ERC1: variants seen among roughly 807,000 people sequenced by gnomAD.
The protein encoded by ERC1 is ELKS/RAB6-interacting/CAST family member 1.
A neutral mutation model predicts 132.0 loss-of-function variants in ERC1; 56 were observed. The ratio of observed to expected loss-of-function variants is 0.42; its 90% confidence interval spans 0.34 to 0.53. The LOEUF (loss-of-function observed/expected upper bound fraction) is 0.53. ERC1 is among the 20% of genes least tolerant of loss of function. The pLI is 0.03. For synonymous variants in ERC1, 478 were observed against 476.1 expected, an observed-to-expected ratio of 1.00 and a Z score of -0.05; for missense variants, 1,202 against 1,349.9, an observed-to-expected ratio of 0.89 and a Z score of 1.72.
intron 8 of ERC1, among the ~76,000 whole-genome samples, chr12:1,148,094 G>A (rs1048089051): frequency 6.6e-6 from 1 of 152,130 alleles, no homozygotes; most frequent in Non-Finnish European, 1.5e-5. Context: ...GATGATTAAT[G>A]TTACTGGAAG....
In ERC1 at chr12:1,096,537, A is replaced by G. The variant is rs558800246; in HGVS notation, c.1087-8213A>G. ...TAAATATCTACCGTGTGCCCAGTCA[A>G]TCACCTTGTAGTGTGCAGAACAGAT... On this transcript the variant is annotated intron_variant, in intron 3 of 18. Coordinates refer to ENST00000360905, the MANE Select transcript of ERC1 (RefSeq NM_178040.4). Among the ~76,000 whole-genome samples, 22 of 152,320 alleles carry G rather than the reference A, an allele frequency of 1.4e-4. No individual in the cohort carries two copies. In the East Asian group the frequency reaches 1.7e-3, roughly 12 times the overall value.
intron 17 of ERC1, among the ~76,000 whole-genome samples, chr12:1,417,780 C>CAA (rs59219151): frequency 6.0e-4 from 50 of 83,646 alleles, no homozygotes; most frequent in South Asian, 1.2e-3. Flanking sequence ...GACTCCATCT[C>CAA]AAAAAAAAAA....
At chr12:1,375,076 T>G (rs1301704974) in intron 16 of ERC1, among the ~76,000 whole-genome samples, 1 of 146,262 alleles carries the variant, frequency 6.8e-6, no homozygotes, top group African/African-American at 2.6e-5. Flanking sequence ...AAACCCTGGT[T>G]GTTCTAGTCA....
At chr12:1,075,066 G>T (rs1421513758) in intron 2 of ERC1, among the ~76,000 whole-genome samples, 1 of 151,890 alleles carries the variant, frequency 6.6e-6, no homozygotes, top group African/African-American at 2.4e-5. Context: ...TTAACTCAAA[G>T]AATACTAAAC....
At chr12:1,053,238 A>G (rs982462763) in intron 2 of ERC1, among the ~76,000 whole-genome samples, 3 of 152,202 alleles carry the variant, frequency 2.0e-5, no homozygotes, top group Non-Finnish European at 4.4e-5. Context: ...ATTAATGGGT[A>G]TTATTTATTC....
chr12:1,350,099 G>A (rs2084867383), intron 15 of ERC1, among the ~76,000 whole-genome samples: 1 of 152,200 alleles, frequency 6.6e-6, no homozygotes, highest in Admixed American at 6.5e-5. Context: ...CATGGGGGAT[G>A]TTATTTTCCT....
intron 2 of ERC1, among the ~76,000 whole-genome samples, chr12:1,043,257 C>T (rs925766928): frequency 1.3e-5 from 2 of 151,924 alleles, no homozygotes; most frequent in Non-Finnish European, 2.9e-5. Flanking sequence ...ATTGGTCAGG[C>T]TGGTCTCGAA....
At chr12:1,260,376 T>G (rs542951018) in intron 13 of ERC1, among the ~76,000 whole-genome samples, 1 of 152,222 alleles carries the variant, frequency 6.6e-6, no homozygotes, top group African/African-American at 2.4e-5. Flanking sequence ...CCTCTAGTGT[T>G]CTAAACTTTA....
rs1186448289 is a variant in ERC1 at position 1,293,122 on chromosome 12, T to C, written c.2780+3110T>C. On this transcript the variant is annotated intron_variant, in intron 15 of 18. Transcript: ENST00000360905. ...TTGCACCATTGCACTCCAGCCTGGG[T>C]GACAGAGCAAGACTCCATCTCAAAA... Among the ~76,000 whole-genome samples, 809 of 114,048 alleles carry C rather than the reference T, an allele frequency of 7.1e-3. 5 individuals are homozygous for C. Among genetic ancestry groups the C allele is most frequent in the Middle Eastern group, 0.046 (6 of 130 alleles). The allele number at this position is 114,048 out of a possible 152,430, so 74.8% of individuals were successfully genotyped here. A position where few individuals can be genotyped will look rare whatever the true frequency, so the allele number is the denominator to read the frequency against.
intron 1 of ERC1, among the ~76,000 whole-genome samples, chr12:996,229 G>A (rs371917949): frequency 7.0e-5 from 10 of 142,606 alleles, no homozygotes; most frequent in African/African-American, 1.8e-4. Context: ...GGGACTACAG[G>A]TGCCCGCCAC....
intron 15 of ERC1, among the ~76,000 whole-genome samples, chr12:1,299,031 A>T (rs1594850351): frequency 6.6e-6 from 1 of 152,212 alleles, no homozygotes; most frequent in South Asian, 2.1e-4. Context: ...CATGAAGGAC[A>T]GACCGACAGA....
chr12:1,054,436 C>T (rs181337292), intron 2 of ERC1, among the ~76,000 whole-genome samples: 1 of 152,040 alleles, frequency 6.6e-6, no homozygotes, highest in East Asian at 1.9e-4. Flanking sequence ...CTACCGCACC[C>T]CCGGCTCTTT....
At chr12:1,148,375 A>G (rs1452967390) in intron 8 of ERC1, among the ~76,000 whole-genome samples, 1 of 152,104 alleles carries the variant, frequency 6.6e-6, no homozygotes, top group Non-Finnish European at 1.5e-5. Context: ...CAGGAGAGAG[A>G]CAGACACACA....
At chr12:1,056,266 G>A (rs1972943614) in intron 2 of ERC1, among the ~76,000 whole-genome samples, 1 of 152,098 alleles carries the variant, frequency 6.6e-6, no homozygotes, top group Non-Finnish European at 1.5e-5. Flanking sequence ...ATAAGATTTA[G>A]TCTGAATATT....
chr12:1,011,625 T>C (rs1382371280), intron 1 of ERC1, among the ~76,000 whole-genome samples: 1 of 152,226 alleles, frequency 6.6e-6, no homozygotes, highest in Non-Finnish European at 1.5e-5. Context: ...ATTGAGAGTA[T>C]ACTGTAGATT....
chr12:1,018,223 T>G (rs899724339), intron 1 of ERC1, among the ~76,000 whole-genome samples: 8 of 152,110 alleles, frequency 5.3e-5, no homozygotes, highest in Non-Finnish European at 1.0e-4. Flanking sequence ...TTATTTTTAT[T>G]CAGAGTCTCA....
chr12:1,387,553 A>G (rs1279969359), intron 16 of ERC1, among the ~76,000 whole-genome samples: 1 of 152,230 alleles, frequency 6.6e-6, no homozygotes, highest in East Asian at 1.9e-4. Context: ...TGGGGCCCTA[A>G]CCCTAATGAC....
At chr12:1,412,102 A>C (rs1408947260) in intron 17 of ERC1, among the ~76,000 whole-genome samples, 1 of 152,246 alleles carries the variant, frequency 6.6e-6, no homozygotes, top group African/African-American at 2.4e-5. Context: ...CCAATTTTAT[A>C]AAATGTGCTG....
chr12:1,221,164 C>T (rs547419619), intron 12 of ERC1, among the ~76,000 whole-genome samples: 18 of 152,160 alleles, frequency 1.2e-4, no homozygotes, highest in Admixed American at 2.6e-4. Context: ...GTTTTGTTCA[C>T]GGCCATATTT....
Sources: gnomAD v4.1 joint callset for allele counts (sites outside exome capture counted in the v4.1 genomes callset) on GRCh38, gnomAD v4.1.1 for gene constraint, MANE v1.5 for transcripts, NCBI Gene and HGNC (gene_info 2026-07-23, HGNC 2026-07-21) for gene names.